OTUD7A: variants seen among roughly 807,000 people sequenced by gnomAD.
OTUD7A encodes OTU domain-containing protein 7A.
Under a neutral mutation model 65.7 loss-of-function variants are expected in OTUD7A, and 12 were observed. The observed-to-expected ratio is 0.18, with a 90% confidence interval of 0.12 to 0.30. The LOEUF is 0.30. OTUD7A is among the 10% of genes least tolerant of loss of function. The pLI, the probability that OTUD7A is intolerant of heterozygous loss-of-function variation, is 1.00. For missense variants in OTUD7A, 1,148 were observed against 1,304.8 expected (o/e 0.88, Z 1.85); for synonymous variants, 641 against 586.3 (o/e 1.09, Z -1.35).
intron 5 of OTUD7A, among the ~76,000 whole-genome samples, chr15:31,541,761 G>C (rs970722166): frequency 6.6e-6 from 1 of 152,092 alleles, no homozygotes; most frequent in African/African-American, 2.4e-5. Flanking sequence ...AAAAAGGCTG[G>C]AGACCCTGAA....
chr15:31,724,032 C>T (rs1213933229), intron 1 of OTUD7A, among the ~76,000 whole-genome samples: 1 of 140,936 alleles, frequency 7.1e-6, no homozygotes, highest in Admixed American at 7.4e-5. Context: ...TGATTACTCA[C>T]GGAGCTGGTT....
Position 31,511,043 on chromosome 15 carries a change from TGTATATCTATATGTA to T in OTUD7A, c.894-7240_894-7226del, listed in dbSNP as rs1162579769. On this transcript the variant is annotated intron_variant, in intron 8 of 12. Transcript: ENST00000307050. ...CATGTATATCTATATGTAACATACA[TGTATATCTATATGTA>T]ACATACATATATATGTATATCTATA... Among the ~76,000 whole-genome samples, 7 of 94,376 alleles carry T rather than the reference TGTATATCTATATGTA, an allele frequency of 7.4e-5. 2 individuals are homozygous for T. The highest frequency in any genetic ancestry group is 1.4e-4 in the Non-Finnish European group (7 of 50,454). 61.9% of individuals were successfully genotyped at this position (94,376 alleles called of 152,430 possible).
chr15:31,550,103 GA>G (rs11413883), intron 5 of OTUD7A, among the ~76,000 whole-genome samples: 167 of 127,138 alleles, frequency 1.3e-3, no homozygotes, highest in Middle Eastern at 0.012. Context: ...CTGTCTCCAG[GA>G]AAAAAAAAAA....
chr15:31,749,854 T>C (rs569780145), intron 1 of OTUD7A, among the ~76,000 whole-genome samples: 8 of 151,874 alleles, frequency 5.3e-5, no homozygotes, highest in Non-Finnish European at 7.4e-5. Context: ...CTGATAAACA[T>C]AGTAAGTAAA....
chr15:31,633,589 T>C (rs1891245340), intron 3 of OTUD7A, among the ~76,000 whole-genome samples: 1 of 152,098 alleles, frequency 6.6e-6, no homozygotes, highest in Non-Finnish European at 1.5e-5. Flanking sequence ...GGTGACCAAG[T>C]CCCTAAGGGA....
chr15:31,783,378 T>C (rs894230662), intron 1 of OTUD7A, among the ~76,000 whole-genome samples: 2 of 152,182 alleles, frequency 1.3e-5, no homozygotes, highest in Non-Finnish European at 2.9e-5. Flanking sequence ...CATTCAATGA[T>C]CATTCTAAGG....
intron 3 of OTUD7A, among the ~76,000 whole-genome samples, chr15:31,634,077 G>A (rs992426430): frequency 6.6e-6 from 1 of 152,172 alleles, no homozygotes; most frequent in Non-Finnish European, 1.5e-5. Flanking sequence ...AGACTCAAGG[G>A]TGTCTAAGAG....
chr15:31,507,565 G>A (rs1009470275), intron 8 of OTUD7A, among the ~76,000 whole-genome samples: 4 of 152,268 alleles, frequency 2.6e-5, no homozygotes, highest in African/African-American at 9.6e-5. Flanking sequence ...AAGATTTATT[G>A]TGGAGAGAGA....
intron 1 of OTUD7A, among the ~76,000 whole-genome samples, chr15:31,850,982 C>T (rs1357540709): frequency 6.6e-6 from 1 of 152,162 alleles, no homozygotes; most frequent in African/African-American, 2.4e-5. Context: ...CCACCAACAC[C>T]ACTACCACCA....
chr15:31,499,739 A>G (rs925659859), intron 10 of OTUD7A, among the ~76,000 whole-genome samples: 2 of 152,238 alleles, frequency 1.3e-5, no homozygotes, highest in Admixed American at 1.3e-4. Flanking sequence ...AGGGACCTGC[A>G]TCGCCCCAGG....
At chr15:31,640,828 C>T (rs1249019165) in intron 3 of OTUD7A, among the ~76,000 whole-genome samples, 1 of 152,064 alleles carries the variant, frequency 6.6e-6, no homozygotes, top group Non-Finnish European at 1.5e-5. Flanking sequence ...ACGGTTACCC[C>T]TTTGTGCATA....
At chr15:31,533,456 C>T (rs1352786282) in intron 5 of OTUD7A, among the ~76,000 whole-genome samples, 7 of 152,110 alleles carry the variant, frequency 4.6e-5, no homozygotes, top group Admixed American at 2.0e-4. Context: ...AGGCTAGTCT[C>T]GAACTCCTGA....
chr15:31,621,253 G>A (rs1451617409), intron 3 of OTUD7A, among the ~76,000 whole-genome samples: 1 of 152,102 alleles, frequency 6.6e-6, no homozygotes, highest in Non-Finnish European at 1.5e-5. Context: ...GTCGATTTGG[G>A]GTGGAAAGTT....
At position 31,659,621 on chromosome 15, in the gene OTUD7A, T is replaced by C. The variant is rs535645580; in HGVS notation, c.-99-2544A>G. Among the ~76,000 whole-genome samples, 8 of 145,844 alleles carry C rather than the reference T, an allele frequency of 5.5e-5. No homozygotes were observed. In the South Asian group the frequency reaches 1.7e-3, roughly 30 times the overall value. On this transcript the variant is annotated intron_variant, in intron 1 of 12. Coordinates refer to ENST00000307050, the MANE Select transcript of OTUD7A (RefSeq NM_001382637.1). ...GGCATGACCATTTTTCCTTTGCCCC[T>C]GGCTCTGCAGGGCTGCCAGGCCCTG...
Position 31,566,829 on chromosome 15 carries a change from GGATTTTAAGCTTCCTGAGGCCTGCCAT to G in OTUD7A, c.331+3162_331+3188del, listed in dbSNP as rs1166280858. ...ATGTAAAGTGCCTGTTCCCTCTTTG[GGATTTTAAGCTTCCTGAGGCCTGCCAT>G]GATTTTAAGCTTCCTGAGGCCTCCC... On this transcript the variant is annotated intron_variant, in intron 4 of 12. Transcript: ENST00000307050. Among the ~76,000 whole-genome samples the G allele has an allele frequency of 3.3e-5, 5 of 152,140 alleles. No homozygotes were observed. The South Asian group carries it at 8.3e-4, about 25-fold the overall frequency.
intron 1 of OTUD7A, among the ~76,000 whole-genome samples, chr15:31,752,172 G>A (rs770427352): frequency 6.6e-6 from 1 of 152,026 alleles, no homozygotes; most frequent in Non-Finnish European, 1.5e-5. Flanking sequence ...AATCAAACAA[G>A]AAAGAAAAAC....
chr15:31,536,144 T>A (rs1887795364), intron 5 of OTUD7A, among the ~76,000 whole-genome samples: 1 of 152,134 alleles, frequency 6.6e-6, no homozygotes. Context: ...GCAAAGGTAA[T>A]CTCCAGGCTG....
intron 1 of OTUD7A, among the ~76,000 whole-genome samples, chr15:31,687,205 G>A (rs1428986061): frequency 2.6e-5 from 4 of 152,104 alleles, no homozygotes; most frequent in African/African-American, 4.8e-5. Context: ...CAGGCCTAGC[G>A]AGGGGAGGCA....
chr15:31,774,122 A>G (rs1010806935), intron 1 of OTUD7A, among the ~76,000 whole-genome samples: 2 of 152,192 alleles, frequency 1.3e-5, no homozygotes, highest in Non-Finnish European at 2.9e-5. Context: ...TTCCCCAAAT[A>G]AAGTCCTCCC....
Sources: gnomAD v4.1 joint callset for allele counts (sites outside exome capture counted in the v4.1 genomes callset) on GRCh38, gnomAD v4.1.1 for gene constraint, MANE v1.5 for transcripts, NCBI Gene and HGNC (gene_info 2026-07-23, HGNC 2026-07-21) for gene names.